Variants in PHTF2 observed in about 807,000 individuals in gnomAD.
PHTF2 encodes the protein putative homeodomain transcription factor 2.
In PHTF2, 60 loss-of-function variants were observed where a neutral mutation model predicts 101.2. That is an observed-to-expected ratio of 0.59 (90% CI 0.48 to 0.73). The LOEUF (loss-of-function observed/expected upper bound fraction) is 0.73, where lower values mean the gene tolerates loss of function less well. Ranked by LOEUF, PHTF2 falls within the 30% of genes least tolerant of loss-of-function variation. The pLI is 0.00. For synonymous variants in PHTF2, 311 were observed against 307.3 expected (o/e 1.01, Z -0.13); for missense variants, 747 against 908.7 (o/e 0.82, Z 2.29).
At chr7:77,904,486 C>A (rs1043579174) in intron 7 of PHTF2, among the ~76,000 whole-genome samples, 2 of 152,068 alleles carry the variant, frequency 1.3e-5, no homozygotes, top group Non-Finnish European at 2.9e-5. Context: ...GATTGGGTGG[C>A]TTATACAACA....
chr7:77,843,193 G>A (rs753352440), intron 2 of PHTF2, among the ~76,000 whole-genome samples: 1 of 152,044 alleles, frequency 6.6e-6, no homozygotes, highest in Non-Finnish European at 1.5e-5. Flanking sequence ...CCAAATTTTG[G>A]TAAAATCAGT....
At chr7:77,866,808 T>TA (rs1246930806) in intron 3 of PHTF2, among the ~76,000 whole-genome samples, 1 of 152,246 alleles carries the variant, frequency 6.6e-6, no homozygotes, top group East Asian at 1.9e-4. Context: ...CTATTAGAAA[T>TA]ATGTAAACAA....
chr7:77,940,038 C>A, exon 14 of PHTF2: 1 of 1,611,820 alleles, frequency 6.2e-7, no homozygotes, highest in Non-Finnish European at 8.5e-7. Flanking sequence ...AGGTGAACAG[C>A]CATATACCAG....
At chr7:77,847,746 A>G (rs942338482) in intron 2 of PHTF2, among the ~76,000 whole-genome samples, 3 of 152,162 alleles carry the variant, frequency 2.0e-5, no homozygotes, top group Admixed American at 1.3e-4. Flanking sequence ...TTTAAATTGT[A>G]GAGTAAATTA....
chr7:77,826,013 A>C (rs1218915553), intron 1 of PHTF2, among the ~76,000 whole-genome samples: 1 of 152,240 alleles, frequency 6.6e-6, no homozygotes, highest in Non-Finnish European at 1.5e-5. Context: ...ATTGACAGGC[A>C]CACTAAATGC....
At chr7:77,920,335 T>G (rs1803329827) in exon 10 of PHTF2, 1 of 1,608,278 alleles carries the variant, frequency 6.2e-7, no homozygotes, top group Non-Finnish European at 8.5e-7. Context: ...AATGGCTATG[T>G]ATCCCTTGAT....
At chr7:77,842,027 A>G (rs975458791) in intron 2 of PHTF2, among the ~76,000 whole-genome samples, 11 of 152,174 alleles carry the variant, frequency 7.2e-5, no homozygotes, top group Non-Finnish European at 1.0e-4. Context: ...TTGAAATATT[A>G]TACTCAGATT....
At chr7:77,921,585 C>T (rs1803464412) in intron 10 of PHTF2, among the ~76,000 whole-genome samples, 1 of 152,186 alleles carries the variant, frequency 6.6e-6, no homozygotes, top group South Asian at 2.1e-4. Context: ...CATGGGCCTG[C>T]AATGAATGTA....
At chr7:77,910,791 G>A (rs1227422858) in intron 9 of PHTF2, among the ~76,000 whole-genome samples, 1 of 152,018 alleles carries the variant, frequency 6.6e-6, no homozygotes, top group African/African-American at 2.4e-5. Flanking sequence ...ACAGGCACGT[G>A]CCACCACACC....
intron 13 of PHTF2, among the ~76,000 whole-genome samples, chr7:77,939,589 C>CA (rs914007792): frequency 0.093 from 6,963 of 74,596 alleles, 269 homozygotes; most frequent in Middle Eastern, 0.11. Flanking sequence ...GACCCTGTCT[C>CA]AAAAAAAAAA....
intron 3 of PHTF2, among the ~76,000 whole-genome samples, chr7:77,862,748 A>G (rs17158946): frequency 0.021 from 3,155 of 152,336 alleles, 91 homozygotes; most frequent in African/African-American, 0.071. Context: ...TTTGCCGGTT[A>G]TATTCCAAGT....
At chr7:77,942,540 A>G (rs917484973) in intron 15 of PHTF2, among the ~76,000 whole-genome samples, 160 bp from the exon 15 acceptor site, 10 of 152,250 alleles carry the variant, frequency 6.6e-5, no homozygotes, top group Admixed American at 3.3e-4. Flanking sequence ...TAACACTATC[A>G]TTAAAATTTG....
chr7:77,804,245 T>A (rs1792793574), intron 1 of PHTF2, among the ~76,000 whole-genome samples: 2 of 152,212 alleles, frequency 1.3e-5, no homozygotes, highest in Admixed American at 1.3e-4. Flanking sequence ...TATGAATATA[T>A]CATTTGTTGA....
At position 77,931,835 on chromosome 7, in the gene PHTF2, A is replaced by G. The variant is rs946134382; in HGVS notation, c.1338+2508A>G. ...TGATAAAACAGTATACAGCAGTGAA[A>G]TTGAATGAACTCGGCTGCATGTATC... On this transcript the variant is annotated intron_variant, in intron 12 of 19. Coordinates refer to ENST00000416283, the Ensembl canonical transcript of PHTF2. Among the ~76,000 whole-genome samples, 3 of 152,262 alleles carry G rather than the reference A, an allele frequency of 2.0e-5. No homozygotes were observed. In the East Asian group the frequency reaches 5.8e-4, roughly 29 times the overall value.
exon 11 of PHTF2, chr7:77,922,671 G>A: frequency 6.2e-7 from 1 of 1,610,562 alleles, no homozygotes; most frequent in Non-Finnish European, 8.5e-7. Context: ...CTCCAGTGAG[G>A]AAGGTCCTGA....
At chr7:77,835,320 G>A (rs1030984339) in intron 1 of PHTF2, among the ~76,000 whole-genome samples, 4 of 151,652 alleles carry the variant, frequency 2.6e-5, no homozygotes, top group Non-Finnish European at 5.9e-5. Flanking sequence ...TCATCTTGGA[G>A]GAAGTAGGAT....
chr7:77,823,159 C>A lies in PHTF2; in HGVS notation c.-35-17062C>A, dbSNP rs1794439243. On this transcript the variant is annotated intron_variant, in intron 1 of 19. Coordinates refer to ENST00000416283, the Ensembl canonical transcript of PHTF2. ...GACCTCGTGATCCACCCGCCTCGGC[C>A]TCCCAAAGTGCTGGGATTACAGGCG... Among the ~76,000 whole-genome samples, 2 of 151,972 alleles carry A rather than the reference C, an allele frequency of 1.3e-5. 1 individual carries two copies. The highest frequency in any genetic ancestry group is 4.1e-4 in the South Asian group (2 of 4,828).
chr7:77,861,626 A>C (rs1797650592), intron 3 of PHTF2, among the ~76,000 whole-genome samples: 1 of 152,186 alleles, frequency 6.6e-6, no homozygotes, highest in South Asian at 2.1e-4. Flanking sequence ...CAGTTTGCAG[A>C]ATTGTAGGTA....
intron 1 of PHTF2, among the ~76,000 whole-genome samples, chr7:77,828,986 C>A (rs1280536383): frequency 1.3e-5 from 2 of 152,066 alleles, no homozygotes; most frequent in Non-Finnish European, 2.9e-5. Flanking sequence ...CCAGCCTGGA[C>A]AACAAAGTGA....
Sources: gnomAD v4.1 joint callset for allele counts (sites outside exome capture counted in the v4.1 genomes callset) on GRCh38, gnomAD v4.1.1 for gene constraint, MANE v1.5 for transcripts, NCBI Gene and HGNC (gene_info 2026-07-23, HGNC 2026-07-21) for gene names.